The following IGF2R variants were observed in gnomAD, a reference collection of about 807,000 sequenced individuals.
The protein encoded by IGF2R is insulin like growth factor 2 receptor, also known as cation-independent mannose-6-phosphate receptor.
In IGF2R, 91 loss-of-function variants were observed where a neutral mutation model predicts 270.6. The ratio of observed to expected loss-of-function variants is 0.34; its 90% CI spans 0.28 to 0.40. The LOEUF (loss-of-function observed/expected upper bound fraction) is 0.40. Among genes scored for constraint, IGF2R ranks in the 10% least tolerant of loss-of-function variants. The probability of loss-of-function intolerance (pLI) is 1.00; values close to 1 mark genes in which losing one functional copy is unlikely to be tolerated. For synonymous variants in IGF2R, 1,316 were observed against 1,258.9 expected (o/e 1.05, Z -0.96); for missense variants, 2,805 against 3,188.3 (o/e 0.88, Z 2.90).
At chr6:160,068,067 T>G (rs373359814) in intron 29 of IGF2R, among the ~76,000 whole-genome samples, 182 bp from the exon 30 acceptor site, 1,281 of 39,248 alleles carry the variant, frequency 0.033, 10 homozygotes, top group Non-Finnish European at 0.053. Context: ...TGATGGGGGG[T>G]GTGTGTGTGT....
At chr6:160,089,010 T>C in intron 42 of IGF2R, 97 bp from the exon 43 acceptor site, 1 of 1,236,568 alleles carries the variant, frequency 8.1e-7, no homozygotes, top group East Asian at 2.7e-5. Flanking sequence ...TGAAAGCCAG[T>C]GAGCTGCTTC....
At position 160,070,700 on chromosome 6, in the gene IGF2R, G is replaced by T. The variant is rs112729618; in HGVS notation, c.4443+642G>T. Among the ~76,000 whole-genome samples the T allele has an allele frequency of 5.0e-3, 762 of 152,304 alleles. 1 individual carries two copies. Among genetic ancestry groups the T allele is most frequent in the Middle Eastern group, 0.014 (4 of 294 alleles). ...GATTGTGGTGAGCCCCAGTGCTAGC[G>T]TGCATGACAAGCTCGGTGGCTGAGT... On this transcript the variant is annotated intron_variant, in intron 31 of 47. Coordinates refer to ENST00000356956, the MANE Select transcript of IGF2R (RefSeq NM_000876.4).
intron 39 of IGF2R, among the ~76,000 whole-genome samples, chr6:160,081,861 G>T (rs1193161536): frequency 6.6e-6 from 1 of 152,190 alleles, no homozygotes; most frequent in Non-Finnish European, 1.5e-5. Context: ...CTTGTTCCTT[G>T]AAAATCACTG....
chr6:160,015,222 AT>A (rs1313133318), intron 4 of IGF2R, among the ~76,000 whole-genome samples: 1 of 152,264 alleles, frequency 6.6e-6, no homozygotes, highest in East Asian at 1.9e-4. Flanking sequence ...AAAAGATAAA[AT>A]TTTGGGAAAC....
intron 4 of IGF2R, among the ~76,000 whole-genome samples, chr6:160,022,765 G>A (rs1413433710): frequency 6.6e-6 from 1 of 152,186 alleles, no homozygotes; most frequent in Non-Finnish European, 1.5e-5. Flanking sequence ...GCTGAGTATG[G>A]GAGACAGAGA....
At chr6:159,990,890 A>G (rs1583245634) in intron 1 of IGF2R, among the ~76,000 whole-genome samples, 1 of 152,286 alleles carries the variant, frequency 6.6e-6, no homozygotes, top group East Asian at 1.9e-4. Flanking sequence ...GGCCTCCCAA[A>G]GTGCTGGGAT....
chr6:160,084,265 T>C lies in IGF2R; in HGVS notation c.6068+81T>C, dbSNP rs570772310. Reference sequence around the variant, plus strand: ...ACTGCTTGACGATGGTTGGCTCTTTTGGGTTCTCAAGATGGGAATACTATG... The same window carrying C: ...ACTGCTTGACGATGGTTGGCTCTTTCGGGTTCTCAAGATGGGAATACTATG... On this transcript the variant is annotated intron_variant, in intron 40 of 47. Transcript: ENST00000356956. This position sits in a 1 kb window ranked among gnomAD's most constrained non-coding sequence, Gnocchi z 4.6. 2.3e-4 allele frequency: 196 copies of C among 845,752 alleles called. No homozygotes were observed. The African/African-American group carries it at 3.1e-3, about 13-fold the overall frequency. 52.4% of individuals were successfully genotyped at this position (845,752 alleles called of 1,614,324 possible).
intron 45 of IGF2R, among the ~76,000 whole-genome samples, chr6:160,098,292 T>C (rs1779410056): frequency 6.6e-6 from 1 of 152,154 alleles, no homozygotes; most frequent in Admixed American, 6.5e-5. Flanking sequence ...AGGAAGATTC[T>C]CCAGGAAACC....
At chr6:160,001,403 T>C (rs1362340017) in intron 2 of IGF2R, among the ~76,000 whole-genome samples, 2 of 152,100 alleles carry the variant, frequency 1.3e-5, no homozygotes, top group East Asian at 3.9e-4. Context: ...GGGCTTCCAC[T>C]GATTCTGCAC....
intron 1 of IGF2R, among the ~76,000 whole-genome samples, chr6:159,984,773 C>T (rs913262911): frequency 1.3e-5 from 2 of 152,170 alleles, no homozygotes; most frequent in African/African-American, 2.4e-5. Context: ...AAACCAGTCC[C>T]CCCATCAGCA....
chr6:160,096,652 A>T (rs1779366929), intron 45 of IGF2R, 27 bp downstream of exon 45: 1 of 1,558,004 alleles, frequency 6.4e-7, no homozygotes, highest in Non-Finnish European at 8.8e-7. Context: ...GAAGCTTAGC[A>T]CTTGTACCCC....
chr6:160,055,085 G>A lies in IGF2R; in HGVS notation c.2695-1339G>A, dbSNP rs145121575. On this transcript the variant is annotated intron_variant, in intron 19 of 47. Coordinates refer to ENST00000356956, the MANE Select transcript of IGF2R (RefSeq NM_000876.4). ...TTGGCCCATGCTCTCTGCGGGAGGT[G>A]TTCTACCCAGGTTGTACACACTCTC... is the stretch of plus-strand genomic sequence containing the variant. 1.1e-4 allele frequency among the ~76,000 whole-genome samples: 16 copies of A among 152,236 alleles called. No individual in the cohort carries two copies. In the East Asian group the frequency reaches 3.1e-3, roughly 29 times the overall value.
chr6:160,103,566 A>G (rs907113779), intron 46 of IGF2R, among the ~76,000 whole-genome samples, 180 bp from the exon 47 acceptor site: 1 of 152,032 alleles, frequency 6.6e-6, no homozygotes, highest in Non-Finnish European at 1.5e-5. Context: ...CTCAATCACA[A>G]CAAATACATT....
rs1304509999 is a variant in IGF2R at position 160,068,158 on chromosome 6, G to A, written c.4116-91G>A. 7 of 1,460,864 alleles carry A rather than the reference G, an allele frequency of 4.8e-6. No individual in the cohort carries two copies. The East Asian group carries it at 1.4e-4, about 29-fold the overall frequency. The allele number at this position is 1,460,864 out of a possible 1,614,324, so 90.5% of individuals were successfully genotyped here. A position where few individuals can be genotyped will look rare whatever the true frequency, so the allele number is the denominator to read the frequency against. ...TAAAGTTCTGTCAGGCTTAGACTAT[G>A]CCTGAATACTTGAACGTTTCTAGAC... is the stretch of plus-strand genomic sequence containing the variant. On this transcript the variant is annotated intron_variant, in intron 29 of 47. Transcript: ENST00000356956.
intron 29 of IGF2R, among the ~76,000 whole-genome samples, chr6:160,065,329 G>A (rs1210688181): frequency 1.3e-5 from 2 of 152,170 alleles, no homozygotes; most frequent in Non-Finnish European, 1.5e-5. Flanking sequence ...CTGCGGTTCT[G>A]TTTTTTGGAG....
chr6:160,032,780 A>G (rs1777727140), intron 8 of IGF2R, 67 bp downstream of exon 8: 1 of 1,542,812 alleles, frequency 6.5e-7, no homozygotes, highest in Admixed American at 1.7e-5. Flanking sequence ...GGAACGGGAC[A>G]GTAGGGGCCA....
Position 159,991,325 on chromosome 6 carries a change from T to C in IGF2R, c.289+2T>C. On this transcript the variant is annotated splice_donor_variant, in intron 2 of 47. Coordinates refer to ENST00000356956, the MANE Select transcript of IGF2R (RefSeq NM_000876.4). LOFTEE classifies it high-confidence loss of function. Reference sequence around the variant, plus strand: ...AGACACGCACTTATCATTCAGTGGGTAAGTAGAACTACCTGAAATTACTGG... The same window carrying C: ...AGACACGCACTTATCATTCAGTGGGCAAGTAGAACTACCTGAAATTACTGG... 1 of 1,605,928 alleles carries C rather than the reference T, an allele frequency of 6.2e-7. No individual in the cohort carries two copies. The highest frequency in any genetic ancestry group is 8.5e-7 in the Non-Finnish European group (1 of 1,176,854).
chr6:160,089,136 T>G lies in IGF2R; in HGVS notation c.6350T>G (p.Phe2117Cys). 2 of 1,613,972 alleles carry G rather than the reference T, an allele frequency of 1.2e-6. No homozygotes were observed. The highest frequency in any genetic ancestry group is 1.7e-6 in the Non-Finnish European group (2 of 1,179,884). Reference protein sequence around the residue: ...RFDIDSCTYYFSWDSRAACAV... With the variant: ...RFDIDSCTYYCSWDSRAACAV... ...GATATCGACAGCTGCACTTACTACT[T>G]CAGCTGGGACTCCCGGGCTGCCTGC... The change falls in exon 43 of 48, where the codon TTC becomes TGC. Residue 2117 changes from phenylalanine to cysteine, a missense_variant. Phe to Cys is a radical substitution (Grantham distance 205, BLOSUM62 -2). Transcript: ENST00000356956.
chr6:159,996,834 G>A lies in IGF2R; in HGVS notation c.289+5511G>A, dbSNP rs533066421. Among the ~76,000 whole-genome samples the A allele has an allele frequency of 2.0e-5, 3 of 152,290 alleles. No homozygotes were observed. In the South Asian group the frequency reaches 6.2e-4, roughly 32 times the overall value. On this transcript the variant is annotated intron_variant, in intron 2 of 47. Transcript: ENST00000356956. The stretch of plus-strand genomic sequence containing the variant: ...TTTGCCGCAGGAATGCTGTGGGTCC[G>A]TGTAGAGAGGGTGAGGCCCCACCTT...
Sources: allele counts gnomAD v4.1 joint callset (sites outside exome capture counted in the v4.1 genomes callset), GRCh38; gene constraint gnomAD v4.1.1; non-coding constraint Gnocchi (gnomAD v3.1); transcripts MANE v1.5; gene names NCBI Gene and HGNC (gene_info 2026-07-23, HGNC 2026-07-21).